Variants in C1orf159 observed in about 807,000 individuals in gnomAD.
C1orf159 encodes the protein uncharacterized protein C1orf159.
Under a neutral mutation model 25.6 loss-of-function variants are expected in C1orf159, and 19 were observed. That is an observed-to-expected ratio of 0.74 (90% CI 0.52 to 1.09). C1orf159 has a LOEUF of 1.09. Among genes scored for constraint, C1orf159 ranks in the 50% least tolerant of loss-of-function variants. The pLI is 0.00. For synonymous variants in C1orf159, 139 were observed against 124.7 expected (o/e 1.12, Z -0.77); for missense variants, 274 against 290.6 (o/e 0.94, Z 0.42).
chr1:1,087,737 A>G lies in C1orf159; in HGVS notation c.149-140T>C. On this transcript the variant is annotated intron_variant, in intron 4 of 9. Transcript: ENST00000421241. The surrounding 1 kb of genome is among the most constrained non-coding windows in gnomAD (Gnocchi z 8.3). The stretch of plus-strand genomic sequence containing the variant: ...ATGCTCTGGAGGGTAGGTGGGCGGC[A>G]GACAAGGACACCCCCAGGGAGCATG... 3.0e-6 allele frequency: 2 copies of G among 668,640 alleles called. No homozygotes were observed. Among genetic ancestry groups the G allele is most frequent in the Non-Finnish European group, 5.1e-6 (2 of 390,328 alleles). 41.4% of individuals were successfully genotyped at this position (668,640 alleles called of 1,614,324 possible). A position where few individuals can be genotyped will look rare whatever the true frequency, so the allele number is the denominator to read the frequency against.
chr1:1,091,016 G>A (rs1395242789), intron 3 of C1orf159: 10 of 1,504,766 alleles, frequency 6.6e-6, no homozygotes, highest in South Asian at 1.2e-5. Context: ...GCGTCCAGGG[G>A]TGACTGCGGA....
At chr1:1,115,430 C>T (rs546954729) in intron 1 of C1orf159, among the ~76,000 whole-genome samples, 1 of 152,148 alleles carries the variant, frequency 6.6e-6, no homozygotes, top group South Asian at 2.1e-4. Flanking sequence ...TCCCGGCTGC[C>T]GGGAAGGCGA....
At chr1:1,098,214 T>C (rs994258144) in intron 1 of C1orf159, among the ~76,000 whole-genome samples, 16 of 151,994 alleles carry the variant, frequency 1.1e-4, no homozygotes, top group Non-Finnish European at 2.4e-4. Flanking sequence ...GGATTACAGG[T>C]GTGCACCACC....
intron 1 of C1orf159, among the ~76,000 whole-genome samples, chr1:1,107,806 C>T (rs1258431475): frequency 6.6e-6 from 1 of 152,286 alleles, no homozygotes; most frequent in African/African-American, 2.4e-5. Flanking sequence ...TGCTGCTGCT[C>T]ACTCTTTGGG....
chr1:1,091,795 G>C (rs1354386357), intron 2 of C1orf159, 196 bp downstream of exon 2: 1 of 507,930 alleles, frequency 2.0e-6, no homozygotes, highest in African/African-American at 2.0e-5. Context: ...GGCTGTGGCA[G>C]GGAGGGTGGG....
chr1:1,088,810 G>C (rs940085376), intron 4 of C1orf159, among the ~76,000 whole-genome samples: 2 of 152,142 alleles, frequency 1.3e-5, no homozygotes, highest in African/African-American at 4.8e-5. Flanking sequence ...CCGCGGTGGA[G>C]AGTGGGCCTG....
At chr1:1,113,384 A>G (rs977290289) in intron 1 of C1orf159, among the ~76,000 whole-genome samples, 2 of 152,138 alleles carry the variant, frequency 1.3e-5, no homozygotes, top group Non-Finnish European at 2.9e-5. Context: ...GGCACACGCA[A>G]CCCTCAGCCA....
At chr1:1,084,876 G>A (rs185933707) in intron 7 of C1orf159, among the ~76,000 whole-genome samples, 50 of 152,132 alleles carry the variant, frequency 3.3e-4, no homozygotes, top group Non-Finnish European at 5.7e-4. Flanking sequence ...CCACCCTCCC[G>A]GGAGGAGCCT....
chr1:1,083,822 C>G, intron 9 of C1orf159: 2 of 1,196,948 alleles, frequency 1.7e-6, no homozygotes, highest in East Asian at 2.6e-5. Flanking sequence ...GGACGGAGGC[C>G]GGGTGAGCCC....
intron 9 of C1orf159, chr1:1,084,132 G>A (rs931938119): frequency 5.1e-6 from 8 of 1,557,564 alleles, no homozygotes; most frequent in Non-Finnish European, 7.0e-6. Flanking sequence ...TTAAAGGGGG[G>A]CGGGCAGGGG....
rs1039336189 is a variant in C1orf159 at position 1,082,225 on chromosome 1, T to C, written c.*668A>G. On this transcript the variant is annotated 3_prime_UTR_variant, in exon 10 of 10. Transcript: ENST00000421241. ...GCGGATCCGAGCGGGGCCACAGAGCTCTGGAGGACTTTTCTGCACAATGAA... is the reference window on the plus strand; with the variant it reads ...GCGGATCCGAGCGGGGCCACAGAGCCCTGGAGGACTTTTCTGCACAATGAA... 6.5e-6 allele frequency: 1 copy of C among 153,400 alleles called. No individual in the cohort carries two copies. The highest frequency in any genetic ancestry group is 1.5e-5 in the Non-Finnish European group (1 of 68,740). The allele number at this position is 153,400 out of a possible 1,614,324, so 9.5% of individuals were successfully genotyped here. A position where few individuals can be genotyped will look rare whatever the true frequency, so the allele number is the denominator to read the frequency against.
chr1:1,100,340 G>A (rs150435519), intron 1 of C1orf159, among the ~76,000 whole-genome samples: 403 of 151,884 alleles, frequency 2.7e-3, no homozygotes, highest in Non-Finnish European at 4.7e-3. Flanking sequence ...TTGTCCCTTT[G>A]TATACACACG....
In C1orf159 at chr1:1,091,500, C is replaced by A; in HGVS notation, c.44G>T (p.Gly15Val). ...HLALLAGLLV[G>V]VASKSMENTA... The stretch of plus-strand genomic sequence containing the variant: ...GTTCTCCATGGACTTGCTGGCGACT[C>A]CCACGAGAAGGCCAGCCAGGAGGGC... Residue 15 changes from glycine to valine, a missense_variant, in exon 3 of 10, where the codon GGA becomes GTA. By Grantham distance (109) the Gly-to-Val change is moderately radical. Coordinates refer to ENST00000421241, the MANE Select transcript of C1orf159 (RefSeq NM_017891.5). 3.9e-6 allele frequency: 6 copies of A among 1,550,304 alleles called. No homozygotes were observed. The highest frequency in any genetic ancestry group is 5.2e-6 in the Non-Finnish European group (6 of 1,146,904).
rs1041774165 is a variant in C1orf159 at position 1,082,591 on chromosome 1, G to T, written c.*302C>A. 2 of 430,848 alleles carry T rather than the reference G, an allele frequency of 4.6e-6. No homozygotes were observed. Among genetic ancestry groups the T allele is most frequent in the South Asian group, 4.5e-5 (2 of 44,358 alleles). The allele number at this position is 430,848 out of a possible 1,614,324, so 26.7% of individuals were successfully genotyped here. A position where few individuals can be genotyped will look rare whatever the true frequency, so the allele number is the denominator to read the frequency against. ...GATCGTGCCAGCTTTGGCTGCAGGC[G>T]CTGGGGCCTCACCGTGTTTCCTGGG... On this transcript the variant is annotated 3_prime_UTR_variant, in exon 10 of 10. Coordinates refer to ENST00000421241, the MANE Select transcript of C1orf159 (RefSeq NM_017891.5).
rs972906567 is a variant in C1orf159, at chr1:1,110,901, C to T, written c.-136+5159G>A. 9.9e-5 allele frequency among the ~76,000 whole-genome samples: 15 copies of T among 152,222 alleles called. No homozygotes were observed. Among genetic ancestry groups the T allele is most frequent in the Non-Finnish European group, 1.8e-4 (12 of 68,032 alleles). ...GTGTGACTCCTAACACTCAGAGTGT[C>T]GGTAAAATCACAGCAGCGCTCCTGT... On this transcript the variant is annotated intron_variant, in intron 1 of 9. Coordinates refer to ENST00000421241, the MANE Select transcript of C1orf159 (RefSeq NM_017891.5). The surrounding 1 kb of genome is among the most constrained non-coding windows in gnomAD (Gnocchi z 4.8).
Position 1,082,857 on chromosome 1 carries a change from T to C in C1orf159, c.*36A>G, listed in dbSNP as rs1228235442. 6.5e-7 allele frequency: 1 copy of C among 1,536,502 alleles called. No individual in the cohort carries two copies. Among genetic ancestry groups the C allele is most frequent in the Non-Finnish European group, 8.8e-7 (1 of 1,131,516 alleles). ...GCCAAGGGGTCGGCCTCCGGGTCCC[T>C]GCCGCCAAGTGCGTGGCGTGGTCTC... On this transcript the variant is annotated 3_prime_UTR_variant, in exon 10 of 10. Coordinates refer to ENST00000421241, the MANE Select transcript of C1orf159 (RefSeq NM_017891.5).
intron 9 of C1orf159, 40 bp downstream of exon 9, chr1:1,084,313 G>A (rs754412558): frequency 6.5e-7 from 1 of 1,527,054 alleles, no homozygotes. Flanking sequence ...CTGGCCCAGA[G>A]ATGGGAAACC....
chr1:1,082,609 T>G lies in C1orf159; in HGVS notation c.*284A>C. ...TGCAGGCGCTGGGGCCTCACCGTGT[T>G]TCCTGGGGGGGCCCGGACCCCCCAA... On this transcript the variant is annotated 3_prime_UTR_variant, in exon 10 of 10. Transcript: ENST00000421241. The G allele has an allele frequency of 2.2e-6, 1 of 461,482 alleles. No individual in the cohort carries two copies. Among genetic ancestry groups the G allele is most frequent in the African/African-American group, 2.0e-5 (1 of 49,494 alleles). 28.6% of individuals were successfully genotyped at this position (461,482 alleles called of 1,614,324 possible).
intron 1 of C1orf159, among the ~76,000 whole-genome samples, chr1:1,098,467 T>C (rs1646039373): frequency 6.6e-6 from 1 of 152,344 alleles, no homozygotes; most frequent in Non-Finnish European, 1.5e-5. Flanking sequence ...GTTTTTCCTA[T>C]TTTATTTGTG....
Sources: allele counts gnomAD v4.1 joint callset (sites outside exome capture counted in the v4.1 genomes callset), GRCh38; gene constraint gnomAD v4.1.1; non-coding constraint Gnocchi (gnomAD v3.1); transcripts MANE v1.5; gene names NCBI Gene and HGNC (gene_info 2026-07-23, HGNC 2026-07-21).